The following EP300 variants were observed in gnomAD, a reference collection of about 807,000 sequenced individuals.
EP300 encodes histone acetyltransferase p300.
EP300 carries 31 observed loss-of-function variants against 264.0 expected under a neutral mutation model. The ratio of observed to expected loss-of-function variants is 0.12; its 90% CI spans 0.09 to 0.16. The LOEUF (loss-of-function observed/expected upper bound fraction) is 0.16, where lower values mean the gene tolerates loss of function less well. Among genes scored for constraint, EP300 ranks in the 10% least tolerant of loss-of-function variants. EP300 has a pLI of 1.00. For synonymous variants in EP300, 1,340 were observed against 1,045.4 expected (o/e 1.28, Z -5.44); for missense variants, 2,766 against 3,052.9 (o/e 0.91, Z 2.21).
In EP300 at chr22:41,162,726, A is replaced by G. The variant is rs774604553; in HGVS notation, c.3675A>G (p.Thr1225=). ...LGDDPSQPQT[T]INKEQFSKRK... Reference sequence around the variant, plus strand: ...TGTGTCCCTTTTCTCTCCTTAGTACAATAAATAAAGAACAATTTTCCAAGA... The same window carrying G: ...TGTGTCCCTTTTCTCTCCTTAGTACGATAAATAAAGAACAATTTTCCAAGA... Residue 1225 remains threonine (T), a synonymous_variant, in exon 21 of 31, where the codon ACA becomes ACG. Transcript: ENST00000263253. 1.9e-6 allele frequency: 3 copies of G among 1,611,314 alleles called. No homozygotes were observed. Among genetic ancestry groups the G allele is most frequent in the African/African-American group, 1.3e-5 (1 of 74,864 alleles).
At chr22:41,168,945 C>A (rs2145764240) in intron 25 of EP300, 78 bp downstream of exon 25, 1 of 1,587,842 alleles carries the variant, frequency 6.3e-7, no homozygotes, top group South Asian at 1.1e-5. Flanking sequence ...GCATAACAGG[C>A]AAGAAAATGT....
chr22:41,113,745 A>G lies in EP300; in HGVS notation c.95-3442A>G, dbSNP rs562431318. Among the ~76,000 whole-genome samples, 20 of 152,140 alleles carry G rather than the reference A, an allele frequency of 1.3e-4. No individual in the cohort carries two copies. The South Asian group carries it at 3.9e-3, about 30-fold the overall frequency. On this transcript the variant is annotated intron_variant, in intron 1 of 30. Transcript: ENST00000263253. Reference sequence around the variant, plus strand: ...GTATTTTTAGTAGAGATGGGGTTTCACCGTGTTATCCAGGATGGTCTCGAT... The same window carrying G: ...GTATTTTTAGTAGAGATGGGGTTTCGCCGTGTTATCCAGGATGGTCTCGAT...
At chr22:41,126,469 T>C (rs2058883272) in intron 3 of EP300, among the ~76,000 whole-genome samples, 3 of 152,206 alleles carry the variant, frequency 2.0e-5, no homozygotes, top group African/African-American at 7.2e-5. Context: ...AAAAGTAATG[T>C]ATTGTTTTAA....
At chr22:41,114,608 A>C (rs765966790) in intron 1 of EP300, among the ~76,000 whole-genome samples, 1 of 152,198 alleles carries the variant, frequency 6.6e-6, no homozygotes. Flanking sequence ...ATATGACCAC[A>C]TGTTGGTTTA....
At chr22:41,128,986 G>A (rs566578120) in intron 4 of EP300, among the ~76,000 whole-genome samples, 131 of 152,014 alleles carry the variant, frequency 8.6e-4, no homozygotes, top group Non-Finnish European at 1.6e-3. Context: ...TTTACTGATA[G>A]TGACGTTATT....
chr22:41,139,569 A>G (rs9619942), intron 8 of EP300, among the ~76,000 whole-genome samples: 2,702 of 152,318 alleles, frequency 0.018, 73 homozygotes, highest in African/African-American at 0.063. Flanking sequence ...TAGTGCCTAA[A>G]GATCACATTT....
rs35506286 is a variant in EP300 at position 41,170,653 on chromosome 22, C to CTTTT, written c.4452+105_4452+108dup. 3.0e-3 allele frequency: 1,153 copies of CTTTT among 390,388 alleles called. 13 individuals carry two copies. Among genetic ancestry groups the CTTTT allele is most frequent in the African/African-American group, 9.2e-3 (292 of 31,580 alleles). 24.2% of individuals were successfully genotyped at this position (390,388 alleles called of 1,614,324 possible). On this transcript the variant is annotated intron_variant, in intron 27 of 30. Coordinates refer to ENST00000263253, the MANE Select transcript of EP300 (RefSeq NM_001429.4). ...TGCTGCTCTTTGTTCTGTCATTTAA[C>CTTTT]TTTTTTTTTTTTTTTTTTTTTTTTT...
chr22:41,124,354 G>C (rs2058868997), intron 2 of EP300, among the ~76,000 whole-genome samples: 3 of 152,208 alleles, frequency 2.0e-5, no homozygotes, highest in Admixed American at 1.3e-4. Flanking sequence ...GCAAGGAATA[G>C]TGTGGAGTCT....
chr22:41,106,870 G>A (rs963995651), intron 1 of EP300, among the ~76,000 whole-genome samples: 4 of 152,176 alleles, frequency 2.6e-5, no homozygotes, highest in Non-Finnish European at 5.9e-5. Context: ...CATGATTACA[G>A]TTGTGAGCCA....
chr22:41,168,924 T>C, intron 25 of EP300, 57 bp downstream of exon 25: 2 of 1,605,552 alleles, frequency 1.2e-6, no homozygotes, highest in Non-Finnish European at 1.7e-6. Context: ...CAACTTATAA[T>C]AGGTGGAAAA....
In EP300 at chr22:41,176,997, G is replaced by A. The variant is rs1211132260; in HGVS notation, c.5286G>A (p.Lys1762=). The change falls in exon 31 of 31, where the codon AAG becomes AAA. Residue 1762 remains lysine, a synonymous_variant. Transcript: ENST00000263253. ...CACTGCCATCCTGCCAGAAGATGAA[G>A]CGGGTTGTGCAGCATACCAAGGGTT... ...NCSLPSCQKM[K]RVVQHTKGCK... 11 of 1,614,202 alleles carry A rather than the reference G, an allele frequency of 6.8e-6. No individual in the cohort carries two copies. Among genetic ancestry groups the A allele is most frequent in the Non-Finnish European group, 9.3e-6 (11 of 1,180,036 alleles).
rs538717731 is a variant in EP300, at chr22:41,179,104, T to G, written c.*148T>G. The G allele has an allele frequency of 2.8e-5, 24 of 856,686 alleles. No homozygotes were observed. Among genetic ancestry groups the G allele is most frequent in the Non-Finnish European group, 3.6e-5 (20 of 560,390 alleles). The allele number at this position is 856,686 out of a possible 1,614,324, so 53.1% of individuals were successfully genotyped here. A position where few individuals can be genotyped will look rare whatever the true frequency, so the allele number is the denominator to read the frequency against. ...AACTGTGCAGTAGCCGTTTGTGGTT[T>G]AAAGCAAACATGCAAGATGAACCTG... On this transcript the variant is annotated 3_prime_UTR_variant, in exon 31 of 31. Transcript: ENST00000263253.
chr22:41,130,077 T>A, intron 5 of EP300, 74 bp downstream of exon 5: 1 of 1,083,316 alleles, frequency 9.2e-7, no homozygotes, highest in East Asian at 2.4e-5. Context: ...TAGTACTACT[T>A]GATTATGTGA....
At position 41,117,710 on chromosome 22, in the gene EP300, G is replaced by C; in HGVS notation, c.618G>C (p.Gln206His). The C allele has an allele frequency of 6.2e-7, 1 of 1,614,216 alleles. No individual in the cohort carries two copies. Among genetic ancestry groups the C allele is most frequent in the Non-Finnish European group, 8.5e-7 (1 of 1,180,038 alleles). The stretch of plus-strand genomic sequence containing the variant: ...CAGGCCGAGGGCGACAGAATATGCA[G>C]TACCCAAACCCAGGCATGGGAAGTG... ...IGAGRGRQNMQYPNPGMGSAG... is the reference protein window; with the variant it reads ...IGAGRGRQNMHYPNPGMGSAG... Residue 206 changes from glutamine (Q) to histidine (H), a missense_variant, in exon 2 of 31, where the codon CAG (glutamine) becomes CAC (histidine). By Grantham distance (24) the Gln-to-His change is conservative. Coordinates refer to ENST00000263253, the MANE Select transcript of EP300 (RefSeq NM_001429.4).
intron 29 of EP300, 160 bp from the exon 30 acceptor site, chr22:41,176,087 G>A (rs2059198797): frequency 1.3e-6 from 1 of 774,524 alleles, no homozygotes; most frequent in Non-Finnish European, 2.1e-6. Context: ...AGGTGTGGTG[G>A]TGTGGGCCTG....
chr22:41,102,960 A>G (rs936268414), intron 1 of EP300, among the ~76,000 whole-genome samples: 7 of 152,014 alleles, frequency 4.6e-5, no homozygotes, highest in Admixed American at 1.3e-4. Flanking sequence ...AGCGATTCTC[A>G]TGCCTCAGCC....
In EP300 at chr22:41,150,154, C is replaced by A. The variant is rs148884710; in HGVS notation, c.2773C>A (p.Pro925Thr). ...RSQQSTAASV[P>T]TPTAPLLPPQ... ...ACAGCAGAGCACAGCAGCGTCTGTT[C>A]CTACCCCAACAGCACCGCTGCTTCC... Residue 925 changes from proline to threonine, a missense_variant, in exon 14 of 31, where the codon CCT becomes ACT. Physicochemically the swap from Pro to Thr is conservative, Grantham distance 38. Transcript: ENST00000263253. The A allele has an allele frequency of 6.1e-3, 9,766 of 1,611,746 alleles. 41 individuals carry two copies. The highest frequency in any genetic ancestry group is 7.4e-3 in the Non-Finnish European group (8,750 of 1,179,828).
chr22:41,115,851 A>C (rs541673137), intron 1 of EP300, among the ~76,000 whole-genome samples: 33 of 152,368 alleles, frequency 2.2e-4, no homozygotes, highest in Non-Finnish European at 1.9e-4. Context: ...TTAAAGGCCT[A>C]CTTTGAGGCA....
At chr22:41,125,552 C>T (rs569046217) in intron 2 of EP300, among the ~76,000 whole-genome samples, 13 of 152,156 alleles carry the variant, frequency 8.5e-5, no homozygotes, top group East Asian at 1.9e-4. Flanking sequence ...AGGTATGAGT[C>T]GCCAGGCCCG....
Sources: allele counts gnomAD v4.1 joint callset (sites outside exome capture counted in the v4.1 genomes callset), GRCh38; gene constraint gnomAD v4.1.1; transcripts MANE v1.5; gene names NCBI Gene and HGNC (gene_info 2026-07-23, HGNC 2026-07-21).